The following IGSF21 variants were observed in gnomAD, a reference collection of about 807,000 sequenced individuals.
IGSF21 encodes the protein immunoglobin superfamily member 21, also known as immunoglobulin superfamily member 21.
Under a neutral mutation model 46.8 loss-of-function variants are expected in IGSF21, and 28 were observed. That is an observed-to-expected ratio of 0.60 (90% confidence interval 0.44 to 0.82). The LOEUF is 0.82. Ranked by LOEUF, IGSF21 falls within the 40% of genes least tolerant of loss-of-function variation. The probability of loss-of-function intolerance (pLI) is 0.00; values close to 1 mark genes in which losing one functional copy is unlikely to be tolerated. For missense variants in IGSF21, 624 were observed against 665.5 expected, an observed-to-expected ratio of 0.94 and a Z score of 0.69; for synonymous variants, 284 against 273.6, an observed-to-expected ratio of 1.04 and a Z score of -0.38.
intron 1 of IGSF21, among the ~76,000 whole-genome samples, chr1:18,212,678 G>A (rs1412741350): frequency 2.0e-5 from 3 of 152,310 alleles, no homozygotes; most frequent in East Asian, 1.9e-4. Context: ...CCAACCCAGG[G>A]GGGGTCCTGG....
intron 3 of IGSF21, among the ~76,000 whole-genome samples, chr1:18,326,744 TC>T (rs764502209): frequency 1.3e-5 from 2 of 152,174 alleles, no homozygotes; most frequent in Non-Finnish European, 2.9e-5. Context: ...CCTCCCTTCC[TC>T]CTGTCTGGGT....
At chr1:18,127,307 G>A (rs147934927) in intron 1 of IGSF21, among the ~76,000 whole-genome samples, 145 of 152,322 alleles carry the variant, frequency 9.5e-4, no homozygotes, top group Middle Eastern at 6.8e-3. Flanking sequence ...GCAGGGCTGT[G>A]GGATAGTGAG....
chr1:18,218,330 A>C (rs576982941), intron 1 of IGSF21, among the ~76,000 whole-genome samples: 2 of 152,218 alleles, frequency 1.3e-5, no homozygotes, highest in Non-Finnish European at 2.9e-5. Context: ...TCCATTGCCC[A>C]GTCACCTCCC....
intron 4 of IGSF21, among the ~76,000 whole-genome samples, chr1:18,341,070 TCTTCTTCTC>T (rs1161686687): frequency 1.1e-4 from 8 of 72,568 alleles, no homozygotes; most frequent in Middle Eastern, 6.8e-3. Flanking sequence ...TTCTTCTTCT[TCTTCTTCTC>T]CTCCTCCTCC....
chr1:18,279,750 G>T (rs914319907), intron 2 of IGSF21, among the ~76,000 whole-genome samples: 1 of 152,230 alleles, frequency 6.6e-6, no homozygotes, highest in African/African-American at 2.4e-5. Context: ...CACTGGGCTG[G>T]GCTGCCCTGA....
chr1:18,254,889 T>A (rs1198976970), intron 2 of IGSF21, among the ~76,000 whole-genome samples: 3 of 151,964 alleles, frequency 2.0e-5, no homozygotes, highest in Non-Finnish European at 4.4e-5. Context: ...CATCCATCCA[T>A]CCCTCCATTC....
chr1:18,252,067 T>C (rs957638711), intron 2 of IGSF21, among the ~76,000 whole-genome samples: 2 of 138,528 alleles, frequency 1.4e-5, no homozygotes, highest in African/African-American at 5.5e-5. Context: ...TTTTTTTTTT[T>C]TGAGATGGAG....
intron 6 of IGSF21, among the ~76,000 whole-genome samples, chr1:18,373,111 T>C (rs113352026): frequency 1.3e-5 from 2 of 152,176 alleles, no homozygotes; most frequent in African/African-American, 4.8e-5. Flanking sequence ...TCCTCCATTG[T>C]CATTTTCAGA....
chr1:18,246,318 C>CTT lies in IGSF21; in HGVS notation c.183+18308_183+18309insTT, dbSNP rs530024174. On this transcript the variant is annotated intron_variant, in intron 2 of 9. Transcript: ENST00000251296. The stretch of plus-strand genomic sequence containing the variant: ...TGACTCTTGCTGCCTCAGGTCCCAC[C>CTT]CCTTCCTGCCTATAGATTTGCCCTT... Among the ~76,000 whole-genome samples, 32 of 152,254 alleles carry CTT rather than the reference C, an allele frequency of 2.1e-4. 1 individual carries two copies. The South Asian group carries it at 6.7e-3, about 32-fold the overall frequency.
At chr1:18,185,217 G>A (rs939377751) in intron 1 of IGSF21, among the ~76,000 whole-genome samples, 1 of 152,184 alleles carries the variant, frequency 6.6e-6, no homozygotes, top group African/African-American at 2.4e-5. Context: ...TCCCCGCATA[G>A]TGGGACAATG....
chr1:18,172,419 G>T (rs192325008), intron 1 of IGSF21, among the ~76,000 whole-genome samples: 14 of 152,160 alleles, frequency 9.2e-5, no homozygotes, highest in African/African-American at 2.7e-4. Context: ...TAGACTGTGT[G>T]GCTTAAACAA....
intron 1 of IGSF21, among the ~76,000 whole-genome samples, chr1:18,116,609 A>G (rs2086192120): frequency 6.6e-6 from 1 of 152,204 alleles, no homozygotes; most frequent in Non-Finnish European, 1.5e-5. Flanking sequence ...CGAGAAGTCC[A>G]CGATCCAGTC....
intron 2 of IGSF21, among the ~76,000 whole-genome samples, chr1:18,242,185 T>C (rs2124518917): frequency 6.6e-6 from 1 of 152,284 alleles, no homozygotes; most frequent in East Asian, 1.9e-4. Context: ...GGCAGCACGG[T>C]TCACCTACTC....
chr1:18,124,172 A>G (rs1352598990), intron 1 of IGSF21, among the ~76,000 whole-genome samples: 1 of 152,196 alleles, frequency 6.6e-6, no homozygotes, highest in Non-Finnish European at 1.5e-5. Flanking sequence ...AGAAACATTG[A>G]AGCCAAAATA....
chr1:18,273,458 CTCTCTCTT>C (rs760094927), intron 2 of IGSF21, among the ~76,000 whole-genome samples: 2 of 47,486 alleles, frequency 4.2e-5, no homozygotes, highest in Non-Finnish European at 7.7e-5. Flanking sequence ...TTCTTTCTTT[CTCTCTCTT>C]TCTTTCTTTC....
At chr1:18,134,649 C>A (rs1486223263) in intron 1 of IGSF21, among the ~76,000 whole-genome samples, 2 of 152,156 alleles carry the variant, frequency 1.3e-5, no homozygotes, top group Non-Finnish European at 2.9e-5. Flanking sequence ...TCAGTGCCCA[C>A]CCCCCTCTTC....
chr1:18,335,072 T>C lies in IGSF21; in HGVS notation c.424+62T>C, dbSNP rs2124606338. The C allele has an allele frequency of 7.6e-7, 1 of 1,308,986 alleles. No homozygotes were observed. The highest frequency in any genetic ancestry group is 1.1e-6 in the Non-Finnish European group (1 of 903,364). The allele number at this position is 1,308,986 out of a possible 1,614,324, so 81.1% of individuals were successfully genotyped here. A position where few individuals can be genotyped will look rare whatever the true frequency, so the allele number is the denominator to read the frequency against. Reference sequence around the variant, plus strand: ...AGGAGGACGAGTATGCTTGAGTGTGTGAATGTGCGCACAGAGTGGCCATCC... The same window carrying C: ...AGGAGGACGAGTATGCTTGAGTGTGCGAATGTGCGCACAGAGTGGCCATCC... On this transcript the variant is annotated intron_variant, in intron 4 of 9. Coordinates refer to ENST00000251296, the MANE Select transcript of IGSF21 (RefSeq NM_032880.5). The surrounding 1 kb of genome is among the most constrained non-coding windows in gnomAD (Gnocchi z 4.8).
intron 2 of IGSF21, among the ~76,000 whole-genome samples, chr1:18,285,095 GT>G (rs1340632169): frequency 1.3e-5 from 2 of 152,098 alleles, no homozygotes; most frequent in Non-Finnish European, 2.9e-5. Context: ...GGGATATCAA[GT>G]TTATTACAGC....
At chr1:18,319,599 G>T (rs936485394) in intron 3 of IGSF21, among the ~76,000 whole-genome samples, 3 of 152,174 alleles carry the variant, frequency 2.0e-5, no homozygotes, top group African/African-American at 7.2e-5. Flanking sequence ...TCATTAAGTT[G>T]TTCCAAGGAA....
Sources: allele counts gnomAD v4.1 joint callset (sites outside exome capture counted in the v4.1 genomes callset), GRCh38; gene constraint gnomAD v4.1.1; non-coding constraint Gnocchi (gnomAD v3.1); transcripts MANE v1.5; gene names NCBI Gene and HGNC (gene_info 2026-07-23, HGNC 2026-07-21).